LINC01488: variants seen among roughly 807,000 people sequenced by gnomAD.
LINC01488 encodes the protein CCND1-upstream intergenic DNA repair 1.
At chr11:69,485,015 C>A (rs567530922) in intron 1 of LINC01488, among the ~76,000 whole-genome samples, 1 of 152,322 alleles carries the variant, frequency 6.6e-6, no homozygotes, top group South Asian at 2.1e-4. Flanking sequence ...AATCTCTGAA[C>A]CACCCAACCC....
chr11:69,486,523 C>T (rs749249828), intron 1 of LINC01488, among the ~76,000 whole-genome samples: 4 of 152,214 alleles, frequency 2.6e-5, no homozygotes, highest in Non-Finnish European at 4.4e-5. Flanking sequence ...GGCCCAGGAA[C>T]GCTCAGAACT....
intron 1 of LINC01488, among the ~76,000 whole-genome samples, chr11:69,483,014 C>T (rs1857063645): frequency 6.6e-6 from 1 of 152,146 alleles, no homozygotes; most frequent in African/African-American, 2.4e-5. Flanking sequence ...ATTCCGGGGT[C>T]CTGGGAGTTA....
At chr11:69,485,775 C>T (rs904356188) in intron 1 of LINC01488, 2 of 152,266 alleles carry the variant, frequency 1.3e-5, no homozygotes, top group African/African-American at 4.8e-5. Flanking sequence ...GGTTCTCCTC[C>T]AGGCCTTCTG....
At chr11:69,488,765 G>C (rs1857166519) in intron 1 of LINC01488, among the ~76,000 whole-genome samples, 1 of 152,222 alleles carries the variant, frequency 6.6e-6, no homozygotes, top group Non-Finnish European at 1.5e-5. Flanking sequence ...TCAGTCACCA[G>C]CATGGCACGG....
chr11:69,492,051 T>G (rs1189331431), intron 3 of LINC01488: 1 of 152,288 alleles, frequency 6.6e-6, no homozygotes, highest in Non-Finnish European at 1.5e-5. Context: ...GGATTTTGAT[T>G]TTCCTTGAAG....
intron 1 of LINC01488, among the ~76,000 whole-genome samples, chr11:69,482,020 T>C (rs953450920): frequency 6.6e-6 from 1 of 152,050 alleles, no homozygotes; most frequent in South Asian, 2.1e-4. Flanking sequence ...GATGGATGGA[T>C]GGATGGATGA....
chr11:69,489,303 G>C (rs756292834), intron 1 of LINC01488, among the ~76,000 whole-genome samples: 4 of 152,164 alleles, frequency 2.6e-5, no homozygotes, highest in Non-Finnish European at 4.4e-5. Flanking sequence ...AAATGAGGGA[G>C]CTCAAGACTC....
intron 1 of LINC01488, among the ~76,000 whole-genome samples, chr11:69,486,756 C>A (rs545833345): frequency 4.6e-5 from 7 of 152,164 alleles, no homozygotes; most frequent in African/African-American, 1.4e-4. Context: ...TAAGCCCCCG[C>A]GATGGGTGGC....
At position 69,492,958 on chromosome 11, in the gene LINC01488, C is replaced by T. The variant is rs368151539; in HGVS notation, n.1434C>T. On this transcript the variant is annotated non_coding_transcript_exon_variant, in exon 4 of 4. Coordinates refer to ENST00000644563, the Ensembl canonical transcript of LINC01488. The stretch of plus-strand genomic sequence containing the variant: ...GTGGCTGGGGTGGCACTGAATGCCC[C>T]ACGTCAAAGAAATGGCACCCAAGCC... The T allele has an allele frequency of 1.1e-4, 17 of 152,352 alleles. No homozygotes were observed. The East Asian group carries it at 2.7e-3, about 24-fold the overall frequency. 9.4% of individuals were successfully genotyped at this position (152,352 alleles called of 1,614,324 possible).
chr11:69,485,089 G>A (rs529148499), intron 1 of LINC01488, among the ~76,000 whole-genome samples: 12 of 152,156 alleles, frequency 7.9e-5, no homozygotes. Context: ...TATGGGAAGT[G>A]GGGGGCGGGG....
intron 1 of LINC01488, among the ~76,000 whole-genome samples, chr11:69,488,950 G>C (rs997088430): frequency 6.6e-6 from 1 of 152,252 alleles, no homozygotes; most frequent in African/African-American, 2.4e-5. Flanking sequence ...TGGGGCCAAA[G>C]CCACCTCTGC....
chr11:69,489,560 C>T (rs1312584926), intron 1 of LINC01488, among the ~76,000 whole-genome samples: 2 of 152,240 alleles, frequency 1.3e-5, no homozygotes, highest in African/African-American at 2.4e-5. Context: ...GGAGGCTTGG[C>T]TTGTTAAGAA....
intron 1 of LINC01488, among the ~76,000 whole-genome samples, chr11:69,490,280 G>A (rs1007586270): frequency 6.6e-6 from 1 of 152,180 alleles, no homozygotes; most frequent in Non-Finnish European, 1.5e-5. Flanking sequence ...GGGTAGAGCG[G>A]TAAGGCTGGC....
At chr11:69,485,398 A>T (rs1483285354) in intron 1 of LINC01488, among the ~76,000 whole-genome samples, 1 of 152,192 alleles carries the variant, frequency 6.6e-6, no homozygotes, top group African/African-American at 2.4e-5. Context: ...TGGACTTAAC[A>T]TTCATTCAAC....
At chr11:69,485,027 C>A (rs181924356) in intron 1 of LINC01488, among the ~76,000 whole-genome samples, 531 of 152,346 alleles carry the variant, frequency 3.5e-3, no homozygotes, top group Non-Finnish European at 6.2e-3. Context: ...ACCCAACCCC[C>A]CGCCACCACC....
exon 4 of LINC01488, chr11:69,492,461 G>A (rs973296142): frequency 6.6e-6 from 1 of 152,482 alleles, no homozygotes; most frequent in Non-Finnish European, 1.5e-5. Flanking sequence ...GTGCTTATAA[G>A]TGGAGGAGGA....
chr11:69,484,056 C>T (rs527459778), intron 1 of LINC01488, among the ~76,000 whole-genome samples: 3 of 152,314 alleles, frequency 2.0e-5, no homozygotes, highest in East Asian at 1.9e-4. Context: ...TTCCCAGCTG[C>T]GAAGTAAAGG....
chr11:69,488,959 G>T (rs10796820), intron 1 of LINC01488, among the ~76,000 whole-genome samples: 60,741 of 152,128 alleles, frequency 0.4, 13,666 homozygotes, highest in Middle Eastern at 0.53. Flanking sequence ...AGCCACCTCT[G>T]CCACACCTGC....
intron 1 of LINC01488, chr11:69,485,733 C>T (rs967661355): frequency 3.9e-5 from 6 of 152,256 alleles, no homozygotes; most frequent in African/African-American, 1.4e-4. Context: ...GAGGCAAGTA[C>T]AGCATCTGTG....
Sources: allele counts gnomAD v4.1 joint callset (sites outside exome capture counted in the v4.1 genomes callset), GRCh38; gene constraint gnomAD v4.1.1; transcripts MANE v1.5; gene names NCBI Gene and HGNC (gene_info 2026-07-23, HGNC 2026-07-21).